The following PIK3R1 variants were observed in gnomAD, a reference collection of about 807,000 sequenced individuals.
The protein encoded by PIK3R1 is phosphoinositide-3-kinase regulatory subunit 1, also known as phosphatidylinositol 3-kinase regulatory subunit alpha.
A neutral mutation model predicts 98.0 loss-of-function variants in PIK3R1; 29 were observed. The observed-to-expected ratio is 0.30, with a 90% CI of 0.22 to 0.40. The LOEUF (loss-of-function observed/expected upper bound fraction) is 0.40. Among genes scored for constraint, PIK3R1 ranks in the 10% least tolerant of loss-of-function variants. PIK3R1 has a pLI of 1.00. For synonymous variants in PIK3R1, 282 were observed against 311.8 expected, an observed-to-expected ratio of 0.90 and a Z score of 1.01; for missense variants, 596 against 872.7, an observed-to-expected ratio of 0.68 and a Z score of 3.99.
intron 2 of PIK3R1, among the ~76,000 whole-genome samples, chr5:68,232,805 C>T (rs549948198): frequency 6.6e-6 from 1 of 152,250 alleles, no homozygotes; most frequent in African/African-American, 2.4e-5. Context: ...GGTCCAGTGT[C>T]CTTATATGTA....
intron 7 of PIK3R1, among the ~76,000 whole-genome samples, chr5:68,285,746 C>A (rs763343424): frequency 6.6e-6 from 1 of 152,130 alleles, no homozygotes; most frequent in African/African-American, 2.4e-5. Flanking sequence ...TATCAGAAAC[C>A]TGGTAGAATG....
intron 2 of PIK3R1, among the ~76,000 whole-genome samples, chr5:68,261,527 A>G (rs530141955): frequency 3.9e-5 from 6 of 152,316 alleles, no homozygotes; most frequent in Admixed American, 1.3e-4. Flanking sequence ...ACAGAAAGAA[A>G]GCAATTGTAT....
At chr5:68,284,392 G>A (rs1251559493) in intron 7 of PIK3R1, among the ~76,000 whole-genome samples, 2 of 152,216 alleles carry the variant, frequency 1.3e-5, no homozygotes, top group Non-Finnish European at 2.9e-5. Flanking sequence ...CCACCCTGAT[G>A]TGGGTACATT....
At chr5:68,261,687 T>C (rs886205987) in intron 2 of PIK3R1, among the ~76,000 whole-genome samples, 3 of 152,192 alleles carry the variant, frequency 2.0e-5, no homozygotes, top group African/African-American at 7.2e-5. Context: ...TTTGCTTAAC[T>C]TCTAGCCCTT....
chr5:68,285,822 A>G (rs1747055328), intron 7 of PIK3R1, among the ~76,000 whole-genome samples: 1 of 152,226 alleles, frequency 6.6e-6, no homozygotes, highest in Non-Finnish European at 1.5e-5. Flanking sequence ...TTTCCTTAGC[A>G]TAATGTCAGT....
chr5:68,236,078 T>C (rs981501956), intron 2 of PIK3R1, among the ~76,000 whole-genome samples: 1 of 150,602 alleles, frequency 6.6e-6, no homozygotes, highest in African/African-American at 2.4e-5. Flanking sequence ...ACCATATTGG[T>C]CAGGCTGGTC....
intron 2 of PIK3R1, among the ~76,000 whole-genome samples, chr5:68,264,470 C>G (rs968611268): frequency 6.6e-6 from 1 of 152,196 alleles, no homozygotes; most frequent in African/African-American, 2.4e-5. Context: ...CTTTAGGTAA[C>G]TTGTTTAATT....
chr5:68,293,786 A>C lies in PIK3R1; in HGVS notation c.1377A>C (p.Lys459Asn). 1.3e-6 allele frequency: 2 copies of C among 1,581,400 alleles called. No individual in the cohort carries two copies. Among genetic ancestry groups the C allele is most frequent in the Non-Finnish European group, 1.7e-6 (2 of 1,159,078 alleles). Reference protein sequence around the residue: ...LHEYNTQFQEKSREYDRLYEE... With the variant: ...LHEYNTQFQENSREYDRLYEE... ...AATATAACACTCAGTTTCAAGAAAA[A>C]AGTCGAGAATATGATAGATTATATG... The change falls in exon 11 of 16, where the codon AAA becomes AAC. Residue 459 changes from lysine (K) to asparagine (N), a missense_variant. Lys to Asn is a moderately conservative substitution (Grantham distance 94, BLOSUM62 0). Around this residue, in one of 3 missense-constraint regions of PIK3R1, gnomAD observed 207 missense variants for 361.4 expected, o/e 0.57. Coordinates refer to ENST00000521381, the MANE Select transcript of PIK3R1 (RefSeq NM_181523.3).
intron 1 of PIK3R1, among the ~76,000 whole-genome samples, chr5:68,221,545 G>C (rs1486349835): frequency 6.6e-6 from 1 of 152,094 alleles, no homozygotes; most frequent in Non-Finnish European, 1.5e-5. Flanking sequence ...CACATGACTT[G>C]GATATATTCT....
intron 2 of PIK3R1, among the ~76,000 whole-genome samples, chr5:68,229,012 G>T (rs1045548635): frequency 2.6e-5 from 4 of 152,104 alleles, no homozygotes; most frequent in African/African-American, 9.6e-5. Flanking sequence ...AAGATGGAGT[G>T]AAATGAAAAT....
At chr5:68,271,246 C>A (rs1013545505) in intron 2 of PIK3R1, among the ~76,000 whole-genome samples, 2 of 152,096 alleles carry the variant, frequency 1.3e-5, no homozygotes, top group Non-Finnish European at 2.9e-5. Context: ...GGTGAAGTTC[C>A]CACCCAGCCC....
intron 1 of PIK3R1, chr5:68,217,347 G>A (rs1432495213): frequency 1.3e-5 from 2 of 152,172 alleles, no homozygotes; most frequent in Admixed American, 1.3e-4. Flanking sequence ...GGAGTGGGCA[G>A]ACAGGTTCAT....
rs563260169 is a variant in PIK3R1, at chr5:68,288,535, A to G, written c.917-3724A>G. On this transcript the variant is annotated intron_variant, in intron 7 of 15. Coordinates refer to ENST00000521381, the MANE Select transcript of PIK3R1 (RefSeq NM_181523.3). ...GGACGAGCCGAGCCGAGCCAAGCGG[A>G]GCTGGGCCACTGTGCACGCCCGGAG... 1.5e-4 allele frequency: 213 copies of G among 1,444,544 alleles called. No homozygotes were observed. In the African/African-American group the frequency reaches 2.9e-3, roughly 20 times the overall value. 89.5% of individuals were successfully genotyped at this position (1,444,544 alleles called of 1,614,324 possible). A position where few individuals can be genotyped will look rare whatever the true frequency, so the allele number is the denominator to read the frequency against.
chr5:68,256,459 T>A (rs1745518463), intron 2 of PIK3R1, among the ~76,000 whole-genome samples: 1 of 152,216 alleles, frequency 6.6e-6, no homozygotes, highest in Non-Finnish European at 1.5e-5. Context: ...CTCGATCTCC[T>A]GACCTTGTGA....
At chr5:68,216,709 G>A (rs900750381) in intron 1 of PIK3R1, among the ~76,000 whole-genome samples, 6 of 142,000 alleles carry the variant, frequency 4.2e-5, no homozygotes, top group Admixed American at 7.0e-5. Context: ...AGCCGGCTGG[G>A]GAGAGCCAGG....
At chr5:68,239,948 TTAAA>T (rs1561265225) in intron 2 of PIK3R1, 1 of 494,996 alleles carries the variant, frequency 2.0e-6, no homozygotes. Context: ...GTGATTACTT[TTAAA>T]GGGCAGTTCA....
At chr5:68,290,611 A>C in intron 7 of PIK3R1, 1 of 1,388,632 alleles carries the variant, frequency 7.2e-7, no homozygotes, top group Non-Finnish European at 9.4e-7. Context: ...GGGGCGTGTG[A>C]TGTAATAGGT....
chr5:68,297,695 C>G lies in PIK3R1; in HGVS notation c.*94C>G. 1 of 1,031,808 alleles carries G rather than the reference C, an allele frequency of 9.7e-7. No homozygotes were observed. The highest frequency in any genetic ancestry group is 2.4e-5 in the East Asian group (1 of 42,042). 63.9% of individuals were successfully genotyped at this position (1,031,808 alleles called of 1,614,324 possible). A position where few individuals can be genotyped will look rare whatever the true frequency, so the allele number is the denominator to read the frequency against. ...TCTCCAGTCTGATCTGTGAATTGAGCTGCAGAAACGAAGCCATCTTTCTTT... is the reference window on the plus strand; with the variant it reads ...TCTCCAGTCTGATCTGTGAATTGAGGTGCAGAAACGAAGCCATCTTTCTTT... On this transcript the variant is annotated 3_prime_UTR_variant, in exon 16 of 16. Coordinates refer to ENST00000521381, the MANE Select transcript of PIK3R1 (RefSeq NM_181523.3).
chr5:68,265,723 T>C (rs1204075533), intron 2 of PIK3R1, among the ~76,000 whole-genome samples: 4 of 152,194 alleles, frequency 2.6e-5, no homozygotes, highest in African/African-American at 9.7e-5. Flanking sequence ...AGCAACTGAC[T>C]TCCACATCTG....
Sources: allele counts gnomAD v4.1 joint callset (sites outside exome capture counted in the v4.1 genomes callset), GRCh38; gene constraint gnomAD v4.1.1; regional missense constraint gnomAD v4.1.1; transcripts MANE v1.5; gene names NCBI Gene and HGNC (gene_info 2026-07-23, HGNC 2026-07-21).